ARHGEF12: variants seen among roughly 807,000 people sequenced by gnomAD.
ARHGEF12 encodes the protein KMT2A/ARHGEF12 fusion protein.
Under a neutral mutation model 211.2 loss-of-function variants are expected in ARHGEF12, and 66 were observed. That is an observed-to-expected ratio of 0.31 (90% CI 0.26 to 0.38). ARHGEF12 has a LOEUF of 0.38. Ranked by LOEUF, ARHGEF12 falls within the 10% of genes least tolerant of loss-of-function variation. The pLI, the probability that ARHGEF12 is intolerant of heterozygous loss-of-function variation, is 1.00. For synonymous variants in ARHGEF12, 592 were observed against 638.4 expected, an observed-to-expected ratio of 0.93 and a Z score of 1.09; for missense variants, 1,429 against 1,869.5, an observed-to-expected ratio of 0.76 and a Z score of 4.34.
intron 1 of ARHGEF12, among the ~76,000 whole-genome samples, chr11:120,389,093 A>G (rs915816693): frequency 7.3e-5 from 11 of 151,206 alleles, no homozygotes; most frequent in Non-Finnish European, 1.3e-4. Flanking sequence ...CTGGTTTCGA[A>G]CTCCTGACCT....
In ARHGEF12 at chr11:120,437,363, G is replaced by A; in HGVS notation, c.980G>A (p.Ser327Asn). 6.2e-7 allele frequency: 1 copy of A among 1,612,870 alleles called. No homozygotes were observed. Among genetic ancestry groups the A allele is most frequent in the Non-Finnish European group, 8.5e-7 (1 of 1,179,388 alleles). ...RIYLEENPEK[S>N]ETIQDTDTQS... is the part of the protein sequence containing the mutation. ...TATCTAGAGGAAAACCCAGAGAAAA[G>A]TGAAACAATTCAGGACACTGTGAGT... Residue 327 changes from serine (S) to asparagine (N), a missense_variant, in exon 12 of 41, where the codon AGT becomes AAT. Physicochemically the swap from Ser to Asn is conservative, Grantham distance 46. Transcript: ENST00000397843.
intron 1 of ARHGEF12, among the ~76,000 whole-genome samples, chr11:120,359,803 T>G (rs1565426986): frequency 1.3e-5 from 2 of 151,726 alleles, no homozygotes; most frequent in Non-Finnish European, 2.9e-5. Context: ...TACAGGGGAG[T>G]AGTAGTAGAA....
chr11:120,450,381 A>AG lies in ARHGEF12; in HGVS notation c.1844-1131_1844-1130insG, dbSNP rs1398573427. ...GTGAAACACTGTCTCAAAAAAAAAA[A>AG]AAAAAAAAAAAAGATATTGGCATGG... On this transcript the variant is annotated intron_variant, in intron 21 of 40. Coordinates refer to ENST00000397843, the MANE Select transcript of ARHGEF12 (RefSeq NM_015313.3). The AG allele has an allele frequency of 3.9e-5, 6 of 151,970 alleles. No homozygotes were observed. The East Asian group carries it at 7.7e-4, about 20-fold the overall frequency. The allele number at this position is 151,970 out of a possible 1,614,324, so 9.4% of individuals were successfully genotyped here. A position where few individuals can be genotyped will look rare whatever the true frequency, so the allele number is the denominator to read the frequency against.
Position 120,457,786 on chromosome 11 carries a change from A to G in ARHGEF12, c.2225+30A>G, listed in dbSNP as rs755708221. 9.4e-6 allele frequency: 15 copies of G among 1,600,668 alleles called. No homozygotes were observed. The African/African-American group carries it at 1.5e-4, about 16-fold the overall frequency. Reference sequence around the variant, plus strand: ...GTAAATCTTAAGCAGCTTTCAATAAAGGCGCATTTTAAGAAACGTAACCTT... The same window carrying G: ...GTAAATCTTAAGCAGCTTTCAATAAGGGCGCATTTTAAGAAACGTAACCTT... On this transcript the variant is annotated intron_variant, in intron 24 of 40. Transcript: ENST00000397843.
At chr11:120,371,046 A>G (rs1036681834) in intron 1 of ARHGEF12, among the ~76,000 whole-genome samples, 1 of 152,158 alleles carries the variant, frequency 6.6e-6, no homozygotes, top group South Asian at 2.1e-4. Context: ...AAAGGAGAAT[A>G]TTTACTTTTA....
Position 120,487,420 on chromosome 11 carries a change from G to T in ARHGEF12, c.*2343G>T, listed in dbSNP as rs1565524502. On this transcript the variant is annotated 3_prime_UTR_variant, in exon 41 of 41. Coordinates refer to ENST00000397843, the MANE Select transcript of ARHGEF12 (RefSeq NM_015313.3). ...TGAAAATATCTCACAATTTTTGAAT[G>T]TTCTTTTTATCTTACCGACCTAACT... is the stretch of plus-strand genomic sequence containing the variant. The T allele has an allele frequency of 4.6e-6, 1 of 217,476 alleles. No homozygotes were observed. Among genetic ancestry groups the T allele is most frequent in the African/African-American group, 2.2e-5 (1 of 44,492 alleles). The allele number at this position is 217,476 out of a possible 1,614,324, so 13.5% of individuals were successfully genotyped here. A position where few individuals can be genotyped will look rare whatever the true frequency, so the allele number is the denominator to read the frequency against.
In ARHGEF12 at chr11:120,442,412, T is replaced by TTATATA. The variant is rs753610695; in HGVS notation, c.1302+221_1302+226dup. Among the ~76,000 whole-genome samples the TTATATA allele has an allele frequency of 8.0e-3, 1,158 of 145,128 alleles. 15 individuals carry two copies. The highest frequency in any genetic ancestry group is 0.02 in the African/African-American group (793 of 39,196). The stretch of plus-strand genomic sequence containing the variant: ...AATTCTCACAGTAGGTTTTAGGGGA[T>TTATATA]TATATATATATATATACACACACAC... On this transcript the variant is annotated intron_variant, in intron 15 of 40. Coordinates refer to ENST00000397843, the MANE Select transcript of ARHGEF12 (RefSeq NM_015313.3).
chr11:120,407,937 C>G (rs990643805), intron 3 of ARHGEF12, 114 bp downstream of exon 3: 1 of 806,868 alleles, frequency 1.2e-6, no homozygotes, highest in Non-Finnish European at 2.0e-6. Context: ...TTAGGACTCT[C>G]ACATTCCTCC....
intron 1 of ARHGEF12, among the ~76,000 whole-genome samples, chr11:120,399,571 T>C (rs559707895): frequency 6.6e-6 from 1 of 152,174 alleles, no homozygotes; most frequent in East Asian, 1.9e-4. Flanking sequence ...CACCTGAAGG[T>C]AGGATCATGA....
chr11:120,359,745 C>T (rs1943229496), intron 1 of ARHGEF12, among the ~76,000 whole-genome samples: 2 of 152,026 alleles, frequency 1.3e-5, no homozygotes, highest in South Asian at 2.1e-4. Context: ...TATCTTGGGT[C>T]ACATGTTTGG....
chr11:120,447,319 C>T, intron 18 of ARHGEF12: 1 of 404,518 alleles, frequency 2.5e-6, no homozygotes, highest in Non-Finnish European at 4.3e-6. Context: ...AACTTCTAAT[C>T]AGTGATCAAA....
In ARHGEF12 at chr11:120,480,486, C is replaced by T. The variant is rs560157446; in HGVS notation, c.4237+56C>T. On this transcript the variant is annotated intron_variant, in intron 38 of 40. Coordinates refer to ENST00000397843, the MANE Select transcript of ARHGEF12 (RefSeq NM_015313.3). ...TTGATTTTGATCATTGTTAACTGTC[C>T]TGTATTTTGAAATGGATGTTGTATT... 1,100 of 1,506,904 alleles carry T rather than the reference C, an allele frequency of 7.3e-4. 1 individual carries two copies. Among genetic ancestry groups the T allele is most frequent in the Non-Finnish European group, 9.0e-4 (1,006 of 1,113,752 alleles). The allele number at this position is 1,506,904 out of a possible 1,614,324, so 93.3% of individuals were successfully genotyped here.
intron 1 of ARHGEF12, among the ~76,000 whole-genome samples, chr11:120,396,051 A>T (rs1256166631): frequency 6.6e-6 from 1 of 152,130 alleles, no homozygotes; most frequent in Non-Finnish European, 1.5e-5. Flanking sequence ...TAAGGCTGCA[A>T]TAGGGAAAAT....
At chr11:120,363,968 GC>G (rs1943352389) in intron 1 of ARHGEF12, among the ~76,000 whole-genome samples, 1 of 152,120 alleles carries the variant, frequency 6.6e-6, no homozygotes, top group Non-Finnish European at 1.5e-5. Flanking sequence ...TGTTTGGGGG[GC>G]TGTTTGGAGA....
At chr11:120,337,448 C>A in intron 1 of ARHGEF12, 173 bp downstream of exon 1, 2 of 985,298 alleles carry the variant, frequency 2.0e-6, no homozygotes, top group Non-Finnish European at 2.4e-6. Context: ...AGTTGATTGG[C>A]TTTTGGAAAT....
In ARHGEF12 at chr11:120,406,087, T is replaced by G. The variant is rs182830265; in HGVS notation, c.33-31T>G. On this transcript the variant is annotated intron_variant, in intron 1 of 40. Coordinates refer to ENST00000397843, the MANE Select transcript of ARHGEF12 (RefSeq NM_015313.3). ...AACAAAATCTTACAAGTAAAGTAACTACATCTATCCTTATTTTTTCTTTGT... is the reference window on the plus strand; with the variant it reads ...AACAAAATCTTACAAGTAAAGTAACGACATCTATCCTTATTTTTTCTTTGT... The G allele has an allele frequency of 3.4e-3, 5,100 of 1,508,470 alleles. 13 individuals are homozygous for G. Among genetic ancestry groups the G allele is most frequent in the Non-Finnish European group, 4.3e-3 (4,786 of 1,113,296 alleles). 93.4% of individuals were successfully genotyped at this position (1,508,470 alleles called of 1,614,324 possible).
intron 1 of ARHGEF12, among the ~76,000 whole-genome samples, chr11:120,353,835 T>C (rs10892563): frequency 0.44 from 66,927 of 152,062 alleles, 15,436 homozygotes; most frequent in African/African-American, 0.57. Context: ...CACTGTTATC[T>C]GCAACACAGT....
At chr11:120,393,689 G>A (rs1944288956) in intron 1 of ARHGEF12, among the ~76,000 whole-genome samples, 1 of 152,096 alleles carries the variant, frequency 6.6e-6, no homozygotes, top group South Asian at 2.1e-4. Context: ...TGACATAACT[G>A]AAAGGACAAA....
chr11:120,467,418 G>T, intron 29 of ARHGEF12, 110 bp downstream of exon 29: 55 of 415,864 alleles, frequency 1.3e-4, no homozygotes, highest in Non-Finnish European at 1.7e-4. Context: ...TTTCCAAATA[G>T]TATGACAAGA....
Sources: gnomAD v4.1 joint callset for allele counts (sites outside exome capture counted in the v4.1 genomes callset) on GRCh38, gnomAD v4.1.1 for gene constraint, MANE v1.5 for transcripts, NCBI Gene and HGNC (gene_info 2026-07-23, HGNC 2026-07-21) for gene names.